The following CACNA1H variants were observed in gnomAD, a reference collection of about 807,000 sequenced individuals.
CACNA1H encodes voltage-dependent T-type calcium channel subunit alpha-1H.
In CACNA1H, 149 loss-of-function variants were observed where a neutral mutation model predicts 192.5. The ratio of observed to expected loss-of-function variants is 0.77; its 90% CI spans 0.68 to 0.89. The LOEUF (loss-of-function observed/expected upper bound fraction) is 0.89, where lower values mean the gene tolerates loss of function less well. Ranked by LOEUF, CACNA1H falls within the 40% of genes least tolerant of loss-of-function variation. The pLI is 0.00. For missense variants in CACNA1H, 4,257 were observed against 3,423.5 expected, an observed-to-expected ratio of 1.24 and a Z score of -6.08; for synonymous variants, 2,202 against 1,475.2, an observed-to-expected ratio of 1.49 and a Z score of -11.29.
Position 1,201,669 on chromosome 16 carries a change from T to A in CACNA1H, c.1219T>A (p.Ser407Thr). The A allele has an allele frequency of 6.3e-7, 1 of 1,595,890 alleles. No homozygotes were observed. The highest frequency in any genetic ancestry group is 8.6e-7 in the Non-Finnish European group (1 of 1,169,254). Reference sequence around the variant, plus strand: ...CCGCCCGCCCCCGTCACAGGTGGGCTCCTTCTTCATGATCAACCTGTGCCT... The same window carrying A: ...CCGCCCGCCCCCGTCACAGGTGGGCACCTTCTTCATGATCAACCTGTGCCT... ...IYFILLIIVG[S>T]FFMINLCLVV... is the part of the protein sequence containing the mutation. The change falls in exon 9 of 35, where the codon TCC (serine) becomes ACC (threonine). Residue 407 changes from serine to threonine, a missense_variant. Coordinates refer to ENST00000348261, the MANE Select transcript of CACNA1H (RefSeq NM_021098.3).
At chr16:1,198,480 C>G (rs939296490) in intron 5 of CACNA1H, 135 bp from the exon 6 acceptor site, 72 of 903,226 alleles carry the variant, frequency 8.0e-5, no homozygotes, top group Non-Finnish European at 1.1e-4. Context: ...CAGGGGGTGG[C>G]CCGAGTCAGT....
In CACNA1H at chr16:1,207,851, C is replaced by T; in HGVS notation, c.3145C>T (p.Gln1049Ter). 7 of 1,594,172 alleles carry T rather than the reference C, an allele frequency of 4.4e-6. No homozygotes were observed. The highest frequency in any genetic ancestry group is 6.0e-6 in the Non-Finnish European group (7 of 1,170,858). The change falls in exon 15 of 35, where the codon CAG becomes TAG. Residue 1049 changes from glutamine (Q) to a stop codon, truncating the protein, a stop_gained. Coordinates refer to ENST00000348261, the MANE Select transcript of CACNA1H (RefSeq NM_021098.3). LOFTEE classifies it high-confidence loss of function. ...EEDFHKLREL[Q>*]TTELKMCSLA... ...GGACTTCCACAAGCTCAGAGAACTC[C>T]AGACCACAGGTGCGTGTGGTCGGTG...
chr16:1,191,808 C>T (rs954279063), intron 2 of CACNA1H, among the ~76,000 whole-genome samples: 3 of 111,200 alleles, frequency 2.7e-5, no homozygotes, highest in Non-Finnish European at 3.8e-5. Context: ...CAGGCACACT[C>T]GGGGTTTCGG....
At chr16:1,177,291 C>T (rs936268927) in intron 2 of CACNA1H, among the ~76,000 whole-genome samples, 18 of 152,228 alleles carry the variant, frequency 1.2e-4, no homozygotes, top group African/African-American at 4.3e-4. Context: ...TCCCCTGCTG[C>T]CCGGGCCTCA....
Position 1,219,097 on chromosome 16 carries a change from C to A in CACNA1H, c.6015C>A (p.Arg2005=). 1 of 1,546,450 alleles carries A rather than the reference C, an allele frequency of 6.5e-7. No homozygotes were observed. The highest frequency in any genetic ancestry group is 8.7e-7 in the Non-Finnish European group (1 of 1,144,674). Reference sequence around the variant, plus strand: ...CCCTGTCCCCTCGGGGCACAGCCCGCTCCCCCAGTCTCAGCCGGCTGCTCT... The same window carrying A: ...CCCTGTCCCCTCGGGGCACAGCCCGATCCCCCAGTCTCAGCCGGCTGCTCT... The part of the protein sequence containing the change: ...LHALSPRGTA[R]SPSLSRLLCR... The change falls in exon 34 of 35, where the codon CGC becomes CGA. Residue 2005 remains arginine (R), a synonymous_variant. Transcript: ENST00000348261.
At chr16:1,176,260 A>G (rs1171621620) in intron 2 of CACNA1H, among the ~76,000 whole-genome samples, 2 of 152,200 alleles carry the variant, frequency 1.3e-5, no homozygotes, top group African/African-American at 4.8e-5. Flanking sequence ...AGCTCTAATT[A>G]GTGCCCGACG....
At chr16:1,200,234 C>T (rs772532525) in intron 6 of CACNA1H, 22 bp from the exon 7 acceptor site, 24 of 1,570,610 alleles carry the variant, frequency 1.5e-5, no homozygotes, top group African/African-American at 2.7e-5. Context: ...TACCTTTTGG[C>T]CCTGGCTGTG....
At chr16:1,176,639 C>T (rs966172401) in intron 2 of CACNA1H, among the ~76,000 whole-genome samples, 40 of 152,298 alleles carry the variant, frequency 2.6e-4, no homozygotes, top group Non-Finnish European at 5.0e-4. Flanking sequence ...GCACAGGCCC[C>T]GGGACCAGCC....
At chr16:1,185,998 T>C (rs1398706266) in intron 2 of CACNA1H, among the ~76,000 whole-genome samples, 1 of 107,608 alleles carries the variant, frequency 9.3e-6, no homozygotes, top group African/African-American at 4.9e-5. Flanking sequence ...ACGGGGCAGG[T>C]GAGTAGACGG....
rs763211250 is a variant in CACNA1H at position 1,214,981 on chromosome 16, G to A, written c.4939G>A (p.Glu1647Lys). ...EHYNQPKSLD[E>K]ALKYCNYVFT... ...GACCCTCCACCCCCAGTCGCTGGACGAGGCCCTCAAGTACTGCAACTACGT... is the reference window on the plus strand; with the variant it reads ...GACCCTCCACCCCCAGTCGCTGGACAAGGCCCTCAAGTACTGCAACTACGT... Residue 1647 changes from glutamate to lysine, a missense_variant, in exon 28 of 35, where the codon GAG becomes AAG. By Grantham distance (56) the Glu-to-Lys change is moderately conservative. Transcript: ENST00000348261. 22 of 1,607,892 alleles carry A rather than the reference G, an allele frequency of 1.4e-5. No homozygotes were observed. The highest frequency in any genetic ancestry group is 1.6e-4 in the Middle Eastern group (1 of 6,078).
chr16:1,190,673 C>T (rs1359661482), intron 2 of CACNA1H, among the ~76,000 whole-genome samples: 2 of 152,274 alleles, frequency 1.3e-5, no homozygotes, highest in Admixed American at 6.5e-5. Flanking sequence ...TGCTATACCA[C>T]CGTCCCCTCC....
At chr16:1,186,282 C>T (rs909146017) in intron 2 of CACNA1H, among the ~76,000 whole-genome samples, 1 of 151,962 alleles carries the variant, frequency 6.6e-6, no homozygotes, top group Non-Finnish European at 1.5e-5. Flanking sequence ...GCGGCTCCCT[C>T]GAGGTGTCCC....
chr16:1,157,923 G>A (rs545341936), intron 2 of CACNA1H: 2 of 152,314 alleles, frequency 1.3e-5, no homozygotes, highest in Admixed American at 6.5e-5. Flanking sequence ...GGCTTCTCTC[G>A]GCCGTGCTAG....
chr16:1,204,948 G>A (rs1244971315), intron 10 of CACNA1H, among the ~76,000 whole-genome samples, 166 bp from the exon 11 acceptor site: 1 of 20,456 alleles, frequency 4.9e-5, no homozygotes. Flanking sequence ...TGGGAGCCGC[G>A]GGTGGGGGCC....
At chr16:1,183,672 C>T (rs1446857067) in intron 2 of CACNA1H, among the ~76,000 whole-genome samples, 1 of 152,258 alleles carries the variant, frequency 6.6e-6, no homozygotes, top group African/African-American at 2.4e-5. Context: ...GCTCCCCGGG[C>T]ACCGTCCCGT....
chr16:1,180,272 G>T lies in CACNA1H; in HGVS notation c.300-14700G>T, dbSNP rs1447881847. On this transcript the variant is annotated intron_variant, in intron 2 of 34. Transcript: ENST00000348261. The surrounding 1 kb of genome is among the most constrained non-coding windows in gnomAD (Gnocchi z 4.4). ...GGAGCTGGGTTTTCACACAGATTGAGACCAGGCGTCGCCCACAGAGCATAA... is the reference window on the plus strand; with the variant it reads ...GGAGCTGGGTTTTCACACAGATTGATACCAGGCGTCGCCCACAGAGCATAA... Among the ~76,000 whole-genome samples the T allele has an allele frequency of 6.6e-6, 1 of 152,212 alleles. No individual in the cohort carries two copies. The highest frequency in any genetic ancestry group is 1.9e-4 in the East Asian group (1 of 5,176).
At chr16:1,156,435 G>A (rs1311783084) in intron 2 of CACNA1H, among the ~76,000 whole-genome samples, 1 of 152,256 alleles carries the variant, frequency 6.6e-6, no homozygotes, top group Non-Finnish European at 1.5e-5. Flanking sequence ...TGGACAGGTG[G>A]GGGGATTGGC....
chr16:1,194,742 G>A (rs1270189509), intron 2 of CACNA1H, among the ~76,000 whole-genome samples: 3 of 152,186 alleles, frequency 2.0e-5, no homozygotes, highest in African/African-American at 4.8e-5. Context: ...CCAGGGGGCC[G>A]GGCCTGGGAC....
chr16:1,206,717 C>T (rs1968758291), intron 12 of CACNA1H: 1 of 472,536 alleles, frequency 2.1e-6, no homozygotes, highest in Admixed American at 3.5e-5. Flanking sequence ...GCAGGTGTCC[C>T]AGGTTCCAGT....
Sources: gnomAD v4.1 joint callset for allele counts (sites outside exome capture counted in the v4.1 genomes callset) on GRCh38, gnomAD v4.1.1 for gene constraint, Gnocchi (gnomAD v3.1) non-coding constraint, MANE v1.5 for transcripts, NCBI Gene and HGNC (gene_info 2026-07-23, HGNC 2026-07-21) for gene names.